Variants in AUTS2 observed in about 807,000 individuals in gnomAD.
The protein encoded by AUTS2 is autism susceptibility gene 2 protein.
AUTS2 carries 17 observed loss-of-function variants against 112.4 expected under a neutral mutation model. The ratio of observed to expected loss-of-function variants is 0.15; its 90% CI spans 0.10 to 0.23. AUTS2 has a LOEUF of 0.23. Among genes scored for constraint, AUTS2 ranks in the 10% least tolerant of loss-of-function variants. The pLI is 1.00. For missense variants in AUTS2, 1,510 were observed against 1,701.6 expected (o/e 0.89, Z 1.98); for synonymous variants, 751 against 702.7 (o/e 1.07, Z -1.09).
At chr7:70,513,369 T>C (rs1465828943) in intron 5 of AUTS2, among the ~76,000 whole-genome samples, 2 of 152,200 alleles carry the variant, frequency 1.3e-5, no homozygotes, top group South Asian at 2.1e-4. Context: ...ACAGCCTCCA[T>C]AAGTGGTACA....
At position 70,573,720 on chromosome 7, in the gene AUTS2, G is replaced by A. The variant is rs58001837; in HGVS notation, c.691-124849G>A. On this transcript the variant is annotated intron_variant, in intron 5 of 18. Coordinates refer to ENST00000342771, the MANE Select transcript of AUTS2 (RefSeq NM_015570.4). Reference sequence around the variant, plus strand: ...TTGGGTTTGGCATTGCCAGTTAAACGGTTCAAAGGATAATGAGATTAATAT... The same window carrying A: ...TTGGGTTTGGCATTGCCAGTTAAACAGTTCAAAGGATAATGAGATTAATAT... 8.2e-3 allele frequency among the ~76,000 whole-genome samples: 1,239 copies of A among 151,974 alleles called. 12 individuals are homozygous for A. Among genetic ancestry groups the A allele is most frequent in the African/African-American group, 0.029 (1,189 of 41,436 alleles).
At chr7:69,924,829 G>A (rs1795945438) in intron 2 of AUTS2, among the ~76,000 whole-genome samples, 3 of 152,174 alleles carry the variant, frequency 2.0e-5, no homozygotes. Context: ...GGGATTACAG[G>A]CATGAGCCAC....
chr7:70,384,734 A>G (rs1257005339), intron 4 of AUTS2, among the ~76,000 whole-genome samples: 2 of 152,224 alleles, frequency 1.3e-5, no homozygotes, highest in Non-Finnish European at 2.9e-5. Context: ...TACTATTACA[A>G]GTTTGAAAGG....
chr7:70,369,790 A>G (rs1792756607), intron 4 of AUTS2, among the ~76,000 whole-genome samples: 2 of 152,230 alleles, frequency 1.3e-5, no homozygotes, highest in South Asian at 2.1e-4. Flanking sequence ...AAAAGACTTC[A>G]TAATAATCCA....
chr7:69,911,179 G>C (rs1263454561), intron 2 of AUTS2, among the ~76,000 whole-genome samples: 1 of 152,210 alleles, frequency 6.6e-6, no homozygotes, highest in Non-Finnish European at 1.5e-5. Flanking sequence ...GGCAGCCCCA[G>C]GCACCAGAAC....
At chr7:70,600,936 A>T (rs1359374136) in intron 5 of AUTS2, among the ~76,000 whole-genome samples, 1 of 152,180 alleles carries the variant, frequency 6.6e-6, no homozygotes, top group South Asian at 2.1e-4. Flanking sequence ...ATTGATGGTC[A>T]TGGGTTCTTT....
chr7:70,471,403 T>C (rs943312926), intron 5 of AUTS2, among the ~76,000 whole-genome samples: 1 of 152,142 alleles, frequency 6.6e-6, no homozygotes, highest in Admixed American at 6.5e-5. Context: ...TCAGAGGATG[T>C]TGAAAACATT....
intron 4 of AUTS2, among the ~76,000 whole-genome samples, chr7:70,175,603 A>G (rs1562764080): frequency 6.6e-6 from 1 of 152,106 alleles, no homozygotes; most frequent in Non-Finnish European, 1.5e-5. Context: ...CAGCCACCCA[A>G]CCTTCAGCAA....
intron 5 of AUTS2, among the ~76,000 whole-genome samples, chr7:70,528,290 A>G (rs1438983232): frequency 6.6e-6 from 1 of 151,516 alleles, no homozygotes; most frequent in African/African-American, 2.4e-5. Flanking sequence ...AAAAAAAAAT[A>G]ATAAAAAAAA....
At chr7:70,641,742 A>T (rs1055024628) in intron 5 of AUTS2, among the ~76,000 whole-genome samples, 1 of 152,162 alleles carries the variant, frequency 6.6e-6, no homozygotes, top group African/African-American at 2.4e-5. Flanking sequence ...TGTGCCTGAT[A>T]TGTAACCTTG....
intron 1 of AUTS2, among the ~76,000 whole-genome samples, chr7:69,848,906 G>A (rs957559662): frequency 2.0e-5 from 3 of 151,958 alleles, no homozygotes; most frequent in Non-Finnish European, 4.4e-5. Flanking sequence ...TGGTTTTATT[G>A]ACTAAATAAT....
At chr7:70,191,772 CAA>C (rs1489542926) in intron 4 of AUTS2, among the ~76,000 whole-genome samples, 1 of 151,598 alleles carries the variant, frequency 6.6e-6, no homozygotes, top group African/African-American at 2.4e-5. Context: ...TAAGAAAAGA[CAA>C]AAAAGGCCAG....
chr7:69,749,521 T>G (rs1335110735), intron 1 of AUTS2, among the ~76,000 whole-genome samples: 1 of 152,176 alleles, frequency 6.6e-6, no homozygotes, highest in Non-Finnish European at 1.5e-5. Flanking sequence ...CTGGATCATG[T>G]GATTGAAATT....
At chr7:70,532,718 T>G (rs1800147460) in intron 5 of AUTS2, among the ~76,000 whole-genome samples, 1 of 152,184 alleles carries the variant, frequency 6.6e-6, no homozygotes, top group Non-Finnish European at 1.5e-5. Context: ...TGATTTTTCA[T>G]TCTCGCAGCA....
At chr7:70,665,617 A>G (rs1295481724) in intron 5 of AUTS2, among the ~76,000 whole-genome samples, 3 of 152,152 alleles carry the variant, frequency 2.0e-5, no homozygotes, top group Non-Finnish European at 4.4e-5. Context: ...ACAAATCTTT[A>G]GTGAGGTAGC....
rs984743762 is a variant in AUTS2, at chr7:70,785,873, C to A, written c.2225-82C>A. ...GGGCGTAGAGAGGGCAGGGATCCCG[C>A]ATCGCCCTGCTCCCAGGAAGCTCTG... On this transcript the variant is annotated intron_variant, in intron 16 of 18. Coordinates refer to ENST00000342771, the MANE Select transcript of AUTS2 (RefSeq NM_015570.4). 6.1e-6 allele frequency: 8 copies of A among 1,314,044 alleles called. No individual in the cohort carries two copies. In the African/African-American group the frequency reaches 7.3e-5, roughly 12 times the overall value. 81.4% of individuals were successfully genotyped at this position (1,314,044 alleles called of 1,614,324 possible).
At chr7:70,283,101 C>G (rs1051033815) in intron 4 of AUTS2, among the ~76,000 whole-genome samples, 3 of 152,132 alleles carry the variant, frequency 2.0e-5, no homozygotes, top group Non-Finnish European at 1.5e-5. Context: ...TTGTACCATT[C>G]AGAATATTAG....
intron 4 of AUTS2, among the ~76,000 whole-genome samples, chr7:70,364,658 A>T (rs1448183731): frequency 1.3e-5 from 2 of 151,916 alleles, no homozygotes; most frequent in Non-Finnish European, 2.9e-5. Flanking sequence ...TAAGTATTTC[A>T]ATTTAAATAA....
intron 4 of AUTS2, among the ~76,000 whole-genome samples, chr7:70,236,566 A>G (rs1227651044): frequency 6.6e-6 from 1 of 152,208 alleles, no homozygotes; most frequent in African/African-American, 2.4e-5. Context: ...TTTAGGAACT[A>G]AAGCCGAAAT....
Sources: gnomAD v4.1 joint callset for allele counts (sites outside exome capture counted in the v4.1 genomes callset) on GRCh38, gnomAD v4.1.1 for gene constraint, MANE v1.5 for transcripts, NCBI Gene and HGNC (gene_info 2026-07-23, HGNC 2026-07-21) for gene names.